YEATS2: variants seen among roughly 807,000 people sequenced by gnomAD.
YEATS2 encodes the protein YEATS domain-containing protein 2.
A neutral mutation model predicts 163.2 loss-of-function variants in YEATS2; 77 were observed. That is an observed-to-expected ratio of 0.47 (90% confidence interval 0.39 to 0.57). The LOEUF (loss-of-function observed/expected upper bound fraction) is 0.57. YEATS2 is among the 20% of genes least tolerant of loss of function. The probability of loss-of-function intolerance (pLI) is 0.00; values close to 1 mark genes in which losing one functional copy is unlikely to be tolerated. For missense variants in YEATS2, 1,549 were observed against 1,729.8 expected, an observed-to-expected ratio of 0.90 and a Z score of 1.85; for synonymous variants, 631 against 645.1, an observed-to-expected ratio of 0.98 and a Z score of 0.33.
intron 8 of YEATS2, among the ~76,000 whole-genome samples, chr3:183,746,091 C>T (rs1180758004): frequency 6.6e-6 from 1 of 152,070 alleles, no homozygotes; most frequent in Non-Finnish European, 1.5e-5. Flanking sequence ...TAGATAGGAT[C>T]TCCCTTTTTC....
chr3:183,782,309 A>G (rs966453090), intron 19 of YEATS2, among the ~76,000 whole-genome samples: 1 of 151,868 alleles, frequency 6.6e-6, no homozygotes, highest in South Asian at 2.1e-4. Context: ...AGGTTTCTCT[A>G]TGTTGGTCAG....
chr3:183,699,478 CG>C (rs1713836951), intron 1 of YEATS2, among the ~76,000 whole-genome samples: 1 of 151,176 alleles, frequency 6.6e-6, no homozygotes, highest in South Asian at 2.1e-4. Context: ...TTTGAGAGAC[CG>C]AGGCGGGTCG....
chr3:183,775,850 GT>G, intron 17 of YEATS2, 64 bp from the exon 18 acceptor site: 1 of 1,606,076 alleles, frequency 6.2e-7, no homozygotes, highest in Non-Finnish European at 8.5e-7. Flanking sequence ...GGGCTCATTT[GT>G]TTTTTATGCT....
Position 183,812,537 on chromosome 3 carries a change from C to T in YEATS2, c.*1954C>T, listed in dbSNP as rs1023666865. 1.3e-5 allele frequency: 2 copies of T among 152,724 alleles called. No individual in the cohort carries two copies. Among genetic ancestry groups the T allele is most frequent in the South Asian group, 4.2e-4 (2 of 4,814 alleles). The allele number at this position is 152,724 out of a possible 1,614,324, so 9.5% of individuals were successfully genotyped here. On this transcript the variant is annotated 3_prime_UTR_variant, in exon 31 of 31. Coordinates refer to ENST00000305135, the MANE Select transcript of YEATS2 (RefSeq NM_018023.5). Reference sequence around the variant, plus strand: ...AAGAAATATTAAATGATTTAGCAGTCTCCACGTGTGTTAATGTTTCAAACG... The same window carrying T: ...AAGAAATATTAAATGATTTAGCAGTTTCCACGTGTGTTAATGTTTCAAACG...
chr3:183,810,813 G>A lies in YEATS2; in HGVS notation c.*230G>A, dbSNP rs1434319936. On this transcript the variant is annotated 3_prime_UTR_variant, in exon 31 of 31. Transcript: ENST00000305135. ...GTGGAGTGAGGCTGTCAGTGGATCC[G>A]TGCTTTGTCGGCCAGCGTTTCTGCA... The A allele has an allele frequency of 5.8e-6, 3 of 516,748 alleles. No individual in the cohort carries two copies. The highest frequency in any genetic ancestry group is 1.1e-5 in the Non-Finnish European group (3 of 285,384). 32.0% of individuals were successfully genotyped at this position (516,748 alleles called of 1,614,324 possible).
At chr3:183,755,306 G>A (rs1055692197) in intron 11 of YEATS2, among the ~76,000 whole-genome samples, 11 of 151,944 alleles carry the variant, frequency 7.2e-5, no homozygotes, top group African/African-American at 1.9e-4. Context: ...TAGTAGAGAC[G>A]GAGTTTCACC....
rs370447967 is a variant in YEATS2, at chr3:183,808,058, T to G, written c.4040T>G (p.Leu1347Arg). 2 of 1,563,720 alleles carry G rather than the reference T, an allele frequency of 1.3e-6. No homozygotes were observed. The highest frequency in any genetic ancestry group is 1.7e-6 in the Non-Finnish European group (2 of 1,153,378). Residue 1347 changes from leucine (L) to arginine (R), a missense_variant, in exon 29 of 31, where the codon CTC becomes CGC. By Grantham distance (102) the Leu-to-Arg change is moderately radical (BLOSUM62 -2). Transcript: ENST00000305135. ...KIGITLQPVA[L>R]HRNVYASVVE... ...GGGATCACCCTGCAGCCCGTGGCAC[T>G]CCACAGGAACGTGTATGCGTCCGTG...
At chr3:183,723,038 CCTT>C (rs979834820) in intron 5 of YEATS2, among the ~76,000 whole-genome samples, 5 of 152,224 alleles carry the variant, frequency 3.3e-5, no homozygotes, top group South Asian at 4.1e-4. Flanking sequence ...GTGAAAGAAA[CCTT>C]CTAGCTCGGC....
At chr3:183,784,861 G>T (rs1396901322) in intron 19 of YEATS2, among the ~76,000 whole-genome samples, 1 of 151,046 alleles carries the variant, frequency 6.6e-6, no homozygotes, top group Non-Finnish European at 1.5e-5. Flanking sequence ...ATCACCTGAG[G>T]TCAGGAGTTT....
chr3:183,745,901 G>A (rs1451415864), intron 8 of YEATS2, among the ~76,000 whole-genome samples: 7 of 152,058 alleles, frequency 4.6e-5, no homozygotes, highest in South Asian at 2.1e-4. Context: ...ATGCAAACAC[G>A]GTTCACTGCA....
rs559181925 is a variant in YEATS2 at position 183,708,562 on chromosome 3, G to A, written c.-19-6582G>A. On this transcript the variant is annotated intron_variant, in intron 1 of 30. Transcript: ENST00000305135. ...TTTTTCTCTTGGGTTTTATTTTAAA[G>A]TATAAAACATTAAATGTTTTGTTTG... Among the ~76,000 whole-genome samples the A allele has an allele frequency of 2.0e-5, 3 of 152,106 alleles. No homozygotes were observed. The East Asian group carries it at 5.8e-4, about 29-fold the overall frequency.
chr3:183,805,909 C>T (rs1017150026), intron 27 of YEATS2, among the ~76,000 whole-genome samples: 1 of 152,096 alleles, frequency 6.6e-6, no homozygotes, highest in Non-Finnish European at 1.5e-5. Flanking sequence ...GAGGGCTTGT[C>T]TGACTTCGCT....
At chr3:183,714,438 C>T (rs1484735666) in intron 1 of YEATS2, among the ~76,000 whole-genome samples, 12 of 151,662 alleles carry the variant, frequency 7.9e-5, no homozygotes, top group Non-Finnish European at 1.3e-4. Flanking sequence ...CCTCGTGATC[C>T]GCCCACCTCG....
At chr3:183,800,657 T>A in intron 24 of YEATS2, 89 bp downstream of exon 24, 2 of 1,066,492 alleles carry the variant, frequency 1.9e-6, no homozygotes, top group Non-Finnish European at 2.8e-6. Context: ...TGTGTGTGTG[T>A]AGCTCTAAGC....
chr3:183,806,714 C>T (rs751029956), intron 27 of YEATS2, 152 bp from the exon 28 acceptor site: 66 of 721,776 alleles, frequency 9.1e-5, no homozygotes, highest in Non-Finnish European at 1.3e-4. Flanking sequence ...TACTAGTTCT[C>T]ATCATTATAG....
At chr3:183,744,455 A>G (rs566075634) in intron 8 of YEATS2, among the ~76,000 whole-genome samples, 46 of 152,278 alleles carry the variant, frequency 3.0e-4, no homozygotes, top group African/African-American at 1.1e-3. Flanking sequence ...AACACAGCAC[A>G]TACTACCTTA....
chr3:183,730,005 TTATATGATGTTACACACATA>T (rs1434514257), intron 7 of YEATS2, among the ~76,000 whole-genome samples: 1 of 149,870 alleles, frequency 6.7e-6, no homozygotes, highest in African/African-American at 2.5e-5. Flanking sequence ...CTTTACATCT[TTATATGATGTTACACACATA>T]TATATTAATT....
At chr3:183,803,092 C>A in intron 25 of YEATS2, 164 bp from the exon 26 acceptor site, 1 of 683,492 alleles carries the variant, frequency 1.5e-6, no homozygotes, top group Non-Finnish European at 2.5e-6. Flanking sequence ...ACCTTCTCTT[C>A]TGAGGAGACG....
chr3:183,769,092 T>C (rs1722199731), intron 15 of YEATS2, among the ~76,000 whole-genome samples: 1 of 152,218 alleles, frequency 6.6e-6, no homozygotes, highest in African/African-American at 2.4e-5. Flanking sequence ...TTAAAATTGG[T>C]TCTTTTATTC....
Sources: gnomAD v4.1 joint callset for allele counts (sites outside exome capture counted in the v4.1 genomes callset) on GRCh38, gnomAD v4.1.1 for gene constraint, MANE v1.5 for transcripts, NCBI Gene and HGNC (gene_info 2026-07-23, HGNC 2026-07-21) for gene names.